Variants in MED12L observed in about 807,000 individuals in gnomAD.
The protein encoded by MED12L is mediator complex subunit 12L, also known as mediator of RNA polymerase II transcription subunit 12-like protein.
Under a neutral mutation model 281.3 loss-of-function variants are expected in MED12L, and 60 were observed. That is an observed-to-expected ratio of 0.21 (90% CI 0.17 to 0.26). The LOEUF is 0.26. Ranked by LOEUF, MED12L falls within the 10% of genes least tolerant of loss-of-function variation. The pLI is 1.00. For synonymous variants in MED12L, 974 were observed against 987.2 expected (o/e 0.99, Z 0.25); for missense variants, 2,146 against 2,680.9 (o/e 0.80, Z 4.41).
At chr3:151,284,449 G>A (rs1483638975) in intron 16 of MED12L, among the ~76,000 whole-genome samples, 1 of 152,144 alleles carries the variant, frequency 6.6e-6, no homozygotes, top group African/African-American at 2.4e-5. Context: ...GGCCTGACTA[G>A]AATAGTGGTT....
At chr3:151,245,879 T>G (rs1419831132) in intron 16 of MED12L, among the ~76,000 whole-genome samples, 1 of 151,716 alleles carries the variant, frequency 6.6e-6, no homozygotes, top group African/African-American at 2.4e-5. Context: ...CCCCATCGTT[T>G]CAGCCCAAAA....
chr3:151,224,717 T>C (rs963267706), intron 16 of MED12L, among the ~76,000 whole-genome samples: 1 of 152,186 alleles, frequency 6.6e-6, no homozygotes, highest in African/African-American at 2.4e-5. Flanking sequence ...AGTTTGACAC[T>C]CACCACACTT....
intron 2 of MED12L, among the ~76,000 whole-genome samples, chr3:151,093,560 A>G (rs919649010): frequency 6.6e-6 from 1 of 152,252 alleles, no homozygotes. Context: ...CTCGAAGTAT[A>G]GTACCTTTTG....
intron 10 of MED12L, 77 bp from the exon 11 acceptor site, chr3:151,165,769 A>G: frequency 1.4e-6 from 2 of 1,453,064 alleles, no homozygotes; most frequent in African/African-American, 1.4e-5. Context: ...TGCCTCACAT[A>G]GAATGGTGAT....
At chr3:151,327,784 G>T in intron 16 of MED12L, 2 of 376,958 alleles carry the variant, frequency 5.3e-6, no homozygotes, top group Non-Finnish European at 4.7e-6. Flanking sequence ...GTGGCCATTT[G>T]TATCCTGTTG....
At chr3:151,163,869 C>A (rs762937022) in intron 8 of MED12L, 24 bp from the exon 9 acceptor site, 7 of 1,601,998 alleles carry the variant, frequency 4.4e-6, no homozygotes, top group Non-Finnish European at 6.0e-6. Context: ...TCTGAACATC[C>A]AACTTTATCT....
intron 42 of MED12L, among the ~76,000 whole-genome samples, chr3:151,415,370 G>A (rs1004795633): frequency 2.6e-5 from 4 of 152,222 alleles, no homozygotes; most frequent in African/African-American, 9.6e-5. Context: ...AGAGGTTCTA[G>A]AGGGCTAACT....
intron 16 of MED12L, among the ~76,000 whole-genome samples, chr3:151,279,070 T>C (rs1742380958): frequency 6.6e-6 from 1 of 152,248 alleles, no homozygotes; most frequent in Non-Finnish European, 1.5e-5. Flanking sequence ...AGTGCTCCAC[T>C]GTCTTTCCCA....
chr3:151,126,599 TATCA>T (rs1343531174), intron 4 of MED12L, among the ~76,000 whole-genome samples: 1 of 152,182 alleles, frequency 6.6e-6, no homozygotes, highest in Non-Finnish European at 1.5e-5. Context: ...TGCCATGCTA[TATCA>T]ATCAGTTAGC....
In MED12L at chr3:151,365,939, G is replaced by T; in HGVS notation, c.3275G>T (p.Cys1092Phe). The change falls in exon 23 of 45, where the codon TGT becomes TTT. Residue 1092 changes from cysteine to phenylalanine, a missense_variant. Physicochemically the swap from Cys to Phe is radical, Grantham distance 205 (BLOSUM62 -2). Transcript: ENST00000687756. The part of the protein sequence containing the change: ...SEWLGVLKAL[C>F]CSSNHVWGFN... The stretch of plus-strand genomic sequence containing the variant: ...TGGCTGGGGGTTCTGAAGGCTCTTT[G>T]TTGTTCTTCAAATCACGTGTGGGGG... The T allele has an allele frequency of 6.2e-7, 1 of 1,613,224 alleles. No individual in the cohort carries two copies. The highest frequency in any genetic ancestry group is 8.5e-7 in the Non-Finnish European group (1 of 1,179,456).
intron 16 of MED12L, among the ~76,000 whole-genome samples, chr3:151,257,479 C>T (rs1738042688): frequency 6.6e-6 from 1 of 152,244 alleles, no homozygotes; most frequent in Admixed American, 6.5e-5. Context: ...CATTACTTAA[C>T]CTCTCTGTGC....
In MED12L at chr3:151,436,478, T is replaced by G. The variant is rs1188659801; in HGVS notation, c.*3674T>G. The G allele has an allele frequency of 2.3e-6, 1 of 430,248 alleles. No individual in the cohort carries two copies. Among genetic ancestry groups the G allele is most frequent in the African/African-American group, 2.0e-5 (1 of 48,840 alleles). 26.7% of individuals were successfully genotyped at this position (430,248 alleles called of 1,614,324 possible). Reference sequence around the variant, plus strand: ...ATTTGTTGGCAAAATAAAAGTGCCTTAAGTTAAAAGTTTGTTTTGAGATCC... The same window carrying G: ...ATTTGTTGGCAAAATAAAAGTGCCTGAAGTTAAAAGTTTGTTTTGAGATCC... On this transcript the variant is annotated 3_prime_UTR_variant, in exon 45 of 45. Transcript: ENST00000687756.
At chr3:151,090,866 C>T (rs1451174406) in intron 2 of MED12L, among the ~76,000 whole-genome samples, 8 of 152,050 alleles carry the variant, frequency 5.3e-5, no homozygotes, top group Non-Finnish European at 8.8e-5. Flanking sequence ...ATGGTGAAAC[C>T]CCGTCTCTAC....
At chr3:151,121,335 T>C (rs1266804694) in intron 3 of MED12L, among the ~76,000 whole-genome samples, 1 of 152,222 alleles carries the variant, frequency 6.6e-6, no homozygotes, top group Non-Finnish European at 1.5e-5. Context: ...CCTTTTCTAC[T>C]TATTCTAATT....
At chr3:151,221,692 G>C (rs1359242878) in intron 16 of MED12L, among the ~76,000 whole-genome samples, 1 of 152,218 alleles carries the variant, frequency 6.6e-6, no homozygotes, top group Non-Finnish European at 1.5e-5. Context: ...CCTCCGCCTA[G>C]ATTTCAGAAT....
intron 16 of MED12L, among the ~76,000 whole-genome samples, chr3:151,273,678 G>A (rs1741390049): frequency 6.6e-6 from 1 of 152,136 alleles, no homozygotes; most frequent in Non-Finnish European, 1.5e-5. Flanking sequence ...AAGTGGTGGA[G>A]TCAAGATTTG....
At chr3:151,101,096 A>C (rs532709156) in intron 2 of MED12L, among the ~76,000 whole-genome samples, 3 of 152,372 alleles carry the variant, frequency 2.0e-5, no homozygotes, top group African/African-American at 7.2e-5. Context: ...TTTTATGTTG[A>C]GGACCAGTGA....
At chr3:151,278,227 C>T (rs2149598088) in intron 16 of MED12L, 1 of 152,344 alleles carries the variant, frequency 6.6e-6, no homozygotes, top group African/African-American at 2.4e-5. Flanking sequence ...GAAATCTTTT[C>T]TGTTCCCATG....
intron 5 of MED12L, among the ~76,000 whole-genome samples, chr3:151,141,850 ACATTTTCTGTTAAGAATC>A (rs1717075851): frequency 6.6e-6 from 1 of 152,168 alleles, no homozygotes; most frequent in South Asian, 2.1e-4. Context: ...GTCTAGTCCC[ACATTTTCTGTTAAGAATC>A]CATTGCTACT....
Sources: allele counts gnomAD v4.1 joint callset (sites outside exome capture counted in the v4.1 genomes callset), GRCh38; gene constraint gnomAD v4.1.1; transcripts MANE v1.5; gene names NCBI Gene and HGNC (gene_info 2026-07-23, HGNC 2026-07-21).